DAAM2: variants seen among roughly 807,000 people sequenced by gnomAD.
DAAM2 encodes the protein dishevelled associated activator of morphogenesis 2.
A neutral mutation model predicts 120.7 loss-of-function variants in DAAM2; 39 were observed. The ratio of observed to expected loss-of-function variants is 0.32; its 90% CI spans 0.25 to 0.42. The LOEUF (loss-of-function observed/expected upper bound fraction) is 0.42, where lower values mean the gene tolerates loss of function less well. Ranked by LOEUF, DAAM2 falls within the 10% of genes least tolerant of loss-of-function variation. The pLI is 1.00. For missense variants in DAAM2, 1,283 were observed against 1,401.7 expected (o/e 0.92, Z 1.35); for synonymous variants, 488 against 524.9 (o/e 0.93, Z 0.96).
chr6:39,824,848 G>A (rs1256080262), intron 1 of DAAM2, among the ~76,000 whole-genome samples: 1 of 152,208 alleles, frequency 6.6e-6, no homozygotes. Context: ...ATTTATCATG[G>A]GTGAGGGCCA....
At chr6:39,873,702 C>T (rs1203000656) in intron 10 of DAAM2, among the ~76,000 whole-genome samples, 2 of 152,184 alleles carry the variant, frequency 1.3e-5, no homozygotes, top group Admixed American at 6.5e-5. Flanking sequence ...AAGTTTTGTG[C>T]TTGGGGGAGT....
intron 19 of DAAM2, among the ~76,000 whole-genome samples, chr6:39,894,509 G>GCCT (rs1462703996): frequency 4.7e-5 from 7 of 147,874 alleles, no homozygotes; most frequent in Admixed American, 2.7e-4. Flanking sequence ...ACCCCCCAGA[G>GCCT]CCTTCTTCAT....
chr6:39,891,289 C>T, intron 17 of DAAM2, 52 bp from the exon 18 acceptor site: 2 of 1,404,328 alleles, frequency 1.4e-6, no homozygotes, highest in Non-Finnish European at 9.9e-7. Context: ...ACCCTGTACC[C>T]CATGTCTGCT....
intron 1 of DAAM2, among the ~76,000 whole-genome samples, chr6:39,843,829 TG>T (rs1763456438): frequency 6.6e-6 from 1 of 151,996 alleles, no homozygotes; most frequent in Non-Finnish European, 1.5e-5. Context: ...TGAGCTGGGA[TG>T]GGGAGATGGG....
intron 1 of DAAM2, among the ~76,000 whole-genome samples, chr6:39,825,302 A>C (rs1762626780): frequency 6.6e-6 from 1 of 151,974 alleles, no homozygotes; most frequent in African/African-American, 2.4e-5. Flanking sequence ...AGGCAGGATA[A>C]TGCTTGAACC....
chr6:39,888,483 A>G, intron 16 of DAAM2, 196 bp from the exon 17 acceptor site: 2 of 471,368 alleles, frequency 4.2e-6, no homozygotes, highest in Non-Finnish European at 4.0e-6. Context: ...CTATTTTGAC[A>G]CTAAAATGCT....
intron 1 of DAAM2, among the ~76,000 whole-genome samples, chr6:39,804,157 C>G (rs139604664): frequency 4.9e-4 from 75 of 152,316 alleles, no homozygotes; most frequent in South Asian, 3.7e-3. Context: ...AAGAGTCTGG[C>G]AGAGCCTGGC....
At chr6:39,810,294 T>C (rs1298522075) in intron 1 of DAAM2, among the ~76,000 whole-genome samples, 1 of 152,238 alleles carries the variant, frequency 6.6e-6, no homozygotes. Context: ...ATGAGCATCA[T>C]GTGTCACATC....
At position 39,901,348 on chromosome 6, in the gene DAAM2, A is replaced by G; in HGVS notation, c.2858A>G (p.Gln953Arg). 6.2e-7 allele frequency: 1 copy of G among 1,613,982 alleles called. No individual in the cohort carries two copies. The highest frequency in any genetic ancestry group is 8.5e-7 in the Non-Finnish European group (1 of 1,179,886). ...MHFGEHDSKM[Q>R]PDEFFGIFDT... ...TTCGGGGAGCATGACAGCAAGATGC[A>G]GCCAGACGAATTCTTTGGCATCTTT... is the stretch of plus-strand genomic sequence containing the variant. Residue 953 changes from glutamine to arginine, a missense_variant, in exon 24 of 25, where the codon CAG becomes CGG. By Grantham distance (43) the Gln-to-Arg change is conservative. Transcript: ENST00000274867. This position sits in a 1 kb window ranked among gnomAD's most constrained non-coding sequence, Gnocchi z 4.5.
At chr6:39,870,291 G>A in intron 7 of DAAM2, 49 bp from the exon 8 acceptor site, 1 of 1,221,266 alleles carries the variant, frequency 8.2e-7, no homozygotes, top group Non-Finnish European at 1.2e-6. Context: ...GGGATGTTGT[G>A]GAAACTGAGA....
chr6:39,834,628 T>C (rs1191686228), intron 1 of DAAM2, among the ~76,000 whole-genome samples: 4 of 152,168 alleles, frequency 2.6e-5, no homozygotes, highest in Non-Finnish European at 4.4e-5. Flanking sequence ...CACCTAAAAA[T>C]AGGGGGAGAT....
chr6:39,894,579 G>A (rs951539940), intron 19 of DAAM2, among the ~76,000 whole-genome samples: 6 of 137,624 alleles, frequency 4.4e-5, no homozygotes, highest in Admixed American at 8.6e-5. Context: ...CATCTTGACT[G>A]CTAGTTTAGT....
intron 1 of DAAM2, among the ~76,000 whole-genome samples, chr6:39,804,230 T>C (rs1761945807): frequency 6.6e-6 from 1 of 152,216 alleles, no homozygotes; most frequent in African/African-American, 2.4e-5. Flanking sequence ...GTGAGCTTCT[T>C]TTCTCAGATT....
Position 39,898,915 on chromosome 6 carries a change from G to A in DAAM2, c.2657G>A (p.Arg886Lys), listed in dbSNP as rs763930654. 1.2e-6 allele frequency: 2 copies of A among 1,612,612 alleles called. No individual in the cohort carries two copies. Among genetic ancestry groups the A allele is most frequent in the Non-Finnish European group, 1.7e-6 (2 of 1,179,412 alleles). The change falls in exon 22 of 25, where the codon AGG (arginine) becomes AAG (lysine). Residue 886 changes from arginine to lysine, a missense_variant. By Grantham distance (26) the Arg-to-Lys change is conservative. Transcript: ENST00000274867. ...GAGAAGGAGGTGGGCAACCTCAGGA[G>A]GGGCCTGAGAGCGGTGGAGGTGGTG... ...ELEKEVGNLR[R>K]GLRAVEVELE...
rs1348177658 is a variant in DAAM2 at position 39,903,544 on chromosome 6, ATCT to A, written c.*1512_*1514del. On this transcript the variant is annotated 3_prime_UTR_variant, in exon 25 of 25. Coordinates refer to ENST00000274867, the MANE Select transcript of DAAM2 (RefSeq NM_001201427.2). ...ATACCACGTTCCGAGTTGGCCTTTCATCTTCTTTGAGACTGGCCCTGCCTAACC... is the reference window on the plus strand; with the variant it reads ...ATACCACGTTCCGAGTTGGCCTTTCATCTTTGAGACTGGCCCTGCCTAACC... 1 of 152,394 alleles carries A rather than the reference ATCT, an allele frequency of 6.6e-6. No homozygotes were observed. The highest frequency in any genetic ancestry group is 2.4e-5 in the African/African-American group (1 of 41,432). The allele number at this position is 152,394 out of a possible 1,614,324, so 9.4% of individuals were successfully genotyped here. A position where few individuals can be genotyped will look rare whatever the true frequency, so the allele number is the denominator to read the frequency against.
intron 1 of DAAM2, among the ~76,000 whole-genome samples, chr6:39,838,632 G>C (rs1206006858): frequency 6.6e-6 from 1 of 152,066 alleles, no homozygotes; most frequent in Non-Finnish European, 1.5e-5. Context: ...GACTGAGAAG[G>C]TTCCTGTGAT....
At position 39,861,031 on chromosome 6, in the gene DAAM2, C is replaced by A. The variant is rs1438312414; in HGVS notation, c.258+14C>A. On this transcript the variant is annotated intron_variant, in intron 3 of 24. Transcript: ENST00000274867. The stretch of plus-strand genomic sequence containing the variant: ...AGCAAGAAGAAGGTGCCCTCTCTGA[C>A]CCCTCTGGCCACATCTCAGGGTTCA... 2 of 1,596,586 alleles carry A rather than the reference C, an allele frequency of 1.3e-6. No individual in the cohort carries two copies. Among genetic ancestry groups the A allele is most frequent in the Non-Finnish European group, 1.7e-6 (2 of 1,169,564 alleles).
chr6:39,795,673 A>C (rs1761678671), intron 1 of DAAM2, among the ~76,000 whole-genome samples: 1 of 152,146 alleles, frequency 6.6e-6, no homozygotes, highest in African/African-American at 2.4e-5. Context: ...CCCCAAATCT[A>C]GCTACATATT....
At chr6:39,807,750 C>G (rs536377601) in intron 1 of DAAM2, among the ~76,000 whole-genome samples, 1 of 152,306 alleles carries the variant, frequency 6.6e-6, no homozygotes, top group African/African-American at 2.4e-5. Context: ...CTTCTGACCT[C>G]AAGTGACCCG....
Sources: allele counts gnomAD v4.1 joint callset (sites outside exome capture counted in the v4.1 genomes callset), GRCh38; gene constraint gnomAD v4.1.1; non-coding constraint Gnocchi (gnomAD v3.1); transcripts MANE v1.5; gene names NCBI Gene and HGNC (gene_info 2026-07-23, HGNC 2026-07-21).